Variants in STK3 observed in about 807,000 individuals in gnomAD.
STK3 encodes serine/threonine kinase 3, also known as serine/threonine-protein kinase 3.
STK3 carries 41 observed loss-of-function variants against 58.0 expected under a neutral mutation model. The ratio of observed to expected loss-of-function variants is 0.71; its 90% confidence interval spans 0.55 to 0.92. The LOEUF (loss-of-function observed/expected upper bound fraction) is 0.92, where lower values mean the gene tolerates loss of function less well. Among genes scored for constraint, STK3 ranks in the 40% least tolerant of loss-of-function variants. The pLI, the probability that STK3 is intolerant of heterozygous loss-of-function variation, is 0.00. For synonymous variants in STK3, 170 were observed against 191.0 expected, an observed-to-expected ratio of 0.89 and a Z score of 0.91; for missense variants, 479 against 602.7, an observed-to-expected ratio of 0.79 and a Z score of 2.15.
At chr8:98,635,022 T>C (rs1460757507) in intron 6 of STK3, among the ~76,000 whole-genome samples, 1 of 151,846 alleles carries the variant, frequency 6.6e-6, no homozygotes, top group Non-Finnish European at 1.5e-5. Context: ...CGTGAGCCTG[T>C]AAAGTTCCAT....
chr8:98,800,260 G>A lies in STK3; in HGVS notation c.26+25255C>T, dbSNP rs367883054. The stretch of plus-strand genomic sequence containing the variant: ...AACTTCTACCGAGGACCCCTGGACC[G>A]ACCTGCTGGCACTTTCAATGGCCTA... On this transcript the variant is annotated intron_variant, in intron 1 of 10. Transcript: ENST00000419617. This position sits in a 1 kb window ranked among gnomAD's most constrained non-coding sequence, Gnocchi z 4.8. 3.9e-5 allele frequency among the ~76,000 whole-genome samples: 6 copies of A among 152,150 alleles called. No individual in the cohort carries two copies. The highest frequency in any genetic ancestry group is 7.2e-5 in the African/African-American group (3 of 41,426).
rs1193710099 is a variant in STK3, at chr8:98,893,823, T to C, written c.-78-9989A>G. Among the ~76,000 whole-genome samples the C allele has an allele frequency of 2.0e-5, 3 of 152,220 alleles. No individual in the cohort carries two copies. In the East Asian group the frequency reaches 5.8e-4, roughly 29 times the overall value. Reference sequence around the variant, plus strand: ...GCTGCAAGAACAAGGCAGAGTGGACTGGACAGTCTGTGTCACCCTGGCCAA... The same window carrying C: ...GCTGCAAGAACAAGGCAGAGTGGACCGGACAGTCTGTGTCACCCTGGCCAA... On this transcript the variant is annotated intron_variant, in intron 1 of 1. Transcript: ENST00000519420.
chr8:98,629,974 C>T (rs1408021403), intron 6 of STK3, among the ~76,000 whole-genome samples: 1 of 152,152 alleles, frequency 6.6e-6, no homozygotes, highest in Non-Finnish European at 1.5e-5. Flanking sequence ...AACTTGGGGG[C>T]TGCTCTTATA....
At chr8:98,499,239 T>C (rs1339887652) in intron 10 of STK3, among the ~76,000 whole-genome samples, 1 of 152,210 alleles carries the variant, frequency 6.6e-6, no homozygotes, top group Non-Finnish European at 1.5e-5. Context: ...CCAGAGCAAG[T>C]GTGGCCCTGC....
intron 6 of STK3, among the ~76,000 whole-genome samples, chr8:98,704,178 G>A (rs1587359892): frequency 6.6e-6 from 1 of 152,102 alleles, no homozygotes; most frequent in Non-Finnish European, 1.5e-5. Flanking sequence ...TTGGGTATTT[G>A]ACAGACATTT....
intron 6 of STK3, among the ~76,000 whole-genome samples, chr8:98,670,645 T>C (rs995081620): frequency 6.6e-6 from 1 of 152,174 alleles, no homozygotes; most frequent in Non-Finnish European, 1.5e-5. Context: ...CCCAACTGGT[T>C]CTTTCTGAAT....
At chr8:98,659,521 T>A (rs780611145) in intron 6 of STK3, among the ~76,000 whole-genome samples, 38 of 151,872 alleles carry the variant, frequency 2.5e-4, no homozygotes, top group Middle Eastern at 3.4e-3. Flanking sequence ...TTTTTTTTTT[T>A]ACTTTCATAA....
rs991554378 is a variant in STK3, at chr8:98,526,688, G to C, written c.1317+54C>G. The C allele has an allele frequency of 2.2e-6, 3 of 1,392,236 alleles. No homozygotes were observed. In the African/African-American group the frequency reaches 4.3e-5, roughly 20 times the overall value. The allele number at this position is 1,392,236 out of a possible 1,614,324, so 86.2% of individuals were successfully genotyped here. A position where few individuals can be genotyped will look rare whatever the true frequency, so the allele number is the denominator to read the frequency against. Reference sequence around the variant, plus strand: ...ACATATGAACTATGCTTCTCAATTTGATGATAAAATATAGAAGGAGAAAAC... The same window carrying C: ...ACATATGAACTATGCTTCTCAATTTCATGATAAAATATAGAAGGAGAAAAC... On this transcript the variant is annotated intron_variant, in intron 10 of 10. Coordinates refer to ENST00000419617, the MANE Select transcript of STK3 (RefSeq NM_006281.4).
intron 3 of STK3, among the ~76,000 whole-genome samples, chr8:98,838,388 T>G (rs929231409): frequency 5.3e-5 from 8 of 152,202 alleles, no homozygotes; most frequent in African/African-American, 1.9e-4. Context: ...TAATGTGTCT[T>G]GACTGAACTA....
chr8:98,904,831 T>C (rs1838826035), intron 1 of STK3: 4 of 663,292 alleles, frequency 6.0e-6, no homozygotes, highest in South Asian at 5.4e-5. Flanking sequence ...GCACAAGAAC[T>C]TGGCAATAGG....
intron 10 of STK3, among the ~76,000 whole-genome samples, chr8:98,473,286 T>C (rs1430736964): frequency 6.6e-6 from 1 of 152,210 alleles, no homozygotes; most frequent in Non-Finnish European, 1.5e-5. Flanking sequence ...GATTACAGGC[T>C]GGATTGCCCC....
upstream of STK3, among the ~76,000 whole-genome samples, chr8:98,826,421 G>A (rs552063561): frequency 6.6e-6 from 1 of 152,136 alleles, no homozygotes; most frequent in African/African-American, 2.4e-5. Flanking sequence ...TCTAATTACC[G>A]AGAAAATAAT....
chr8:98,923,830 T>C (rs972378805), intron 1 of STK3, among the ~76,000 whole-genome samples: 1 of 87,822 alleles, frequency 1.1e-5, no homozygotes, highest in Non-Finnish European at 2.5e-5. Flanking sequence ...TGCAAAAACG[T>C]GTGTGTGTGT....
the STK3 span, among the ~76,000 whole-genome samples, chr8:98,358,291 G>T: frequency 6.6e-6 from 1 of 152,126 alleles, no homozygotes; most frequent in Non-Finnish European, 1.5e-5. Context: ...GCTCTTCCCC[G>T]GGTCAGGCAG....
intron 6 of STK3, among the ~76,000 whole-genome samples, chr8:98,652,888 C>T (rs1821078610): frequency 6.6e-6 from 1 of 152,028 alleles, no homozygotes; most frequent in Non-Finnish European, 1.5e-5. Flanking sequence ...TAATGGGAGA[C>T]TTTAACACTC....
chr8:98,725,043 T>A (rs768330662), intron 4 of STK3, among the ~76,000 whole-genome samples: 22 of 152,158 alleles, frequency 1.4e-4, no homozygotes, highest in Non-Finnish European at 2.6e-4. Context: ...AATATGCCAA[T>A]ACCTATGTAC....
chr8:98,902,099 G>C (rs188753307), intron 1 of STK3, among the ~76,000 whole-genome samples: 15 of 152,190 alleles, frequency 9.9e-5, no homozygotes, highest in Admixed American at 3.9e-4. Flanking sequence ...GCTTTCTTCT[G>C]CTTTTCTGGA....
At chr8:98,842,608 G>A (rs910066755) in intron 3 of STK3, among the ~76,000 whole-genome samples, 13 of 152,176 alleles carry the variant, frequency 8.5e-5, no homozygotes, top group African/African-American at 3.1e-4. Flanking sequence ...AGCCTGGGAG[G>A]TTGAGGCTGC....
chr8:98,741,061 T>G (rs1171658559), intron 4 of STK3, among the ~76,000 whole-genome samples: 1 of 152,156 alleles, frequency 6.6e-6, no homozygotes, highest in East Asian at 1.9e-4. Flanking sequence ...TAAACATATA[T>G]GCACCCAATA....
Sources: allele counts gnomAD v4.1 joint callset (sites outside exome capture counted in the v4.1 genomes callset), GRCh38; gene constraint gnomAD v4.1.1; non-coding constraint Gnocchi (gnomAD v3.1); transcripts MANE v1.5; gene names NCBI Gene and HGNC (gene_info 2026-07-23, HGNC 2026-07-21).